ZNF469: variants seen among roughly 807,000 people sequenced by gnomAD.
ZNF469 encodes zinc finger protein 469.
ZNF469 carries 1 observed loss-of-function variant against 1.0 expected under a neutral mutation model. The ratio of observed to expected loss-of-function variants is 1.00; its 90% confidence interval spans 0.35 to 4.73. The LOEUF (loss-of-function observed/expected upper bound fraction) is 4.73. Among genes scored for constraint, ZNF469 ranks in the 30% most tolerant of loss-of-function variants. The pLI is 0.16. For synonymous variants in ZNF469, 2,703 were observed against 2,363.4 expected, an observed-to-expected ratio of 1.14 and a Z score of -4.17; for missense variants, 6,100 against 5,356.3, an observed-to-expected ratio of 1.14 and a Z score of -4.33.
the ZNF469 span, among the ~76,000 whole-genome samples, chr16:88,191,324 C>G: frequency 6.6e-6 from 1 of 152,208 alleles, no homozygotes; most frequent in Admixed American, 6.5e-5. Context: ...ACGGAGCTCT[C>G]GGAATGCGTA....
rs1298415521 is a variant in ZNF469 at position 88,427,791 on chromosome 16, G to T, written c.321G>T (p.Arg107Ser). 1.3e-6 allele frequency: 2 copies of T among 1,547,184 alleles called. No homozygotes were observed. The highest frequency in any genetic ancestry group is 2.7e-5 in the African/African-American group (2 of 72,988). ...GAAGCCCCTTGCAGGCTCCCTCAAGGCTGGCGGGCAGGGCAGAGGGCAGCC... is the reference window on the plus strand; with the variant it reads ...GAAGCCCCTTGCAGGCTCCCTCAAGTCTGGCGGGCAGGGCAGAGGGCAGCC... ...PGRSPLQAPS[R>S]LAGRAEGSPP... The change falls in exon 3 of 3, where the codon AGG (arginine) becomes AGT (serine). Residue 107 changes from arginine to serine, a missense_variant. Coordinates refer to ENST00000565624, the MANE Select transcript of ZNF469 (RefSeq NM_001367624.2).
the ZNF469 span, among the ~76,000 whole-genome samples, chr16:88,226,431 C>T: frequency 6.6e-6 from 1 of 152,056 alleles, no homozygotes; most frequent in Non-Finnish European, 1.5e-5. Context: ...ATCGTCAGGG[C>T]CTCCCACAGC....
chr16:88,265,922 G>A, the ZNF469 span, among the ~76,000 whole-genome samples: 2 of 152,216 alleles, frequency 1.3e-5, no homozygotes, highest in Admixed American at 1.3e-4. Flanking sequence ...ATCTTTCTCT[G>A]GTAAATGGGG....
the ZNF469 span, among the ~76,000 whole-genome samples, chr16:88,375,534 G>A: frequency 2.0e-5 from 3 of 152,260 alleles, no homozygotes; most frequent in African/African-American, 7.2e-5. Context: ...TGCCATGAAT[G>A]GTTCCACAGC....
chr16:88,431,461 G>GT lies in ZNF469; in HGVS notation c.3992dup (p.Ala1332GlyfsTer2). The GT allele has an allele frequency of 6.4e-7, 1 of 1,550,390 alleles. No individual in the cohort carries two copies. Among genetic ancestry groups the GT allele is most frequent in the Non-Finnish European group, 8.7e-7 (1 of 1,146,994 alleles). ...CCAGCCTGGAGAATTTCTGGCACCC[G>GT]TGGCTAACCCCTCAAGTACCGCCTG... On this transcript the variant is annotated frameshift_variant, in exon 3 of 3. Transcript: ENST00000565624. LOFTEE classifies it low-confidence loss of function (END_TRUNC).
chr16:88,319,244 G>A, the ZNF469 span, among the ~76,000 whole-genome samples: 1 of 152,106 alleles, frequency 6.6e-6, no homozygotes, highest in Non-Finnish European at 1.5e-5. Flanking sequence ...AGGGGGCCTT[G>A]CAGGTGGCCG....
At chr16:88,250,411 T>C in the ZNF469 span, among the ~76,000 whole-genome samples, 1 of 152,392 alleles carries the variant, frequency 6.6e-6, no homozygotes. Flanking sequence ...TGCTGAATAG[T>C]ATTTCATTTT....
At chr16:88,259,012 CA>C in the ZNF469 span, among the ~76,000 whole-genome samples, 1 of 152,210 alleles carries the variant, frequency 6.6e-6, no homozygotes, top group South Asian at 2.1e-4. This position sits in a 1 kb window ranked among gnomAD's most constrained non-coding sequence, Gnocchi z 4.1. Flanking sequence ...ATTTTGTTCT[CA>C]GGGGTGACTG....
At chr16:88,327,176 G>A in the ZNF469 span, among the ~76,000 whole-genome samples, 20 of 152,306 alleles carry the variant, frequency 1.3e-4, no homozygotes, top group African/African-American at 4.6e-4. Context: ...CAGGCCCCGG[G>A]TGGCCGCCTC....
In ZNF469 at chr16:88,428,611, C is replaced by T; in HGVS notation, c.1141C>T (p.Pro381Ser). 2.6e-6 allele frequency: 4 copies of T among 1,550,264 alleles called. No individual in the cohort carries two copies. Among genetic ancestry groups the T allele is most frequent in the Non-Finnish European group, 3.5e-6 (4 of 1,146,906 alleles). Residue 381 changes from proline (P) to serine (S), a missense_variant, in exon 3 of 3, where the codon CCC becomes TCC. Coordinates refer to ENST00000565624, the MANE Select transcript of ZNF469 (RefSeq NM_001367624.2). ...SLHKSLTKIL[P>S]ERPPSAQDGL... ...ACACAAGAGCCTGACCAAAATCCTT[C>T]CCGAAAGACCACCTTCAGCCCAGGA...
the ZNF469 span, among the ~76,000 whole-genome samples, chr16:88,277,357 C>T: frequency 6.9e-6 from 1 of 144,984 alleles, no homozygotes; most frequent in South Asian, 2.2e-4. Context: ...TCAGTCAGTA[C>T]CGTGTAGATA....
At chr16:88,383,508 C>T (rs1314410516) in intron 1 of ZNF469, among the ~76,000 whole-genome samples, 4 of 149,534 alleles carry the variant, frequency 2.7e-5, no homozygotes, top group Non-Finnish European at 6.0e-5. Flanking sequence ...CGCAGCCTTG[C>T]CCGGAGCGGA....
chr16:88,248,786 G>C, the ZNF469 span, among the ~76,000 whole-genome samples: 1 of 152,304 alleles, frequency 6.6e-6, no homozygotes, highest in East Asian at 1.9e-4. Flanking sequence ...CATTTCAACA[G>C]GTCAGCCAGT....
At chr16:88,126,680 G>C in the ZNF469 span, among the ~76,000 whole-genome samples, 7 of 150,962 alleles carry the variant, frequency 4.6e-5, no homozygotes, top group African/African-American at 1.7e-4. Context: ...TTGAGACAAA[G>C]TCTTGCTCTG....
At chr16:88,218,420 T>C in the ZNF469 span, among the ~76,000 whole-genome samples, 1 of 151,014 alleles carries the variant, frequency 6.6e-6, no homozygotes, top group East Asian at 1.9e-4. Context: ...GTAGTTTCTT[T>C]TGCTGTGCAG....
the ZNF469 span, among the ~76,000 whole-genome samples, chr16:88,229,670 C>T: frequency 3.6e-4 from 55 of 151,278 alleles, no homozygotes; most frequent in African/African-American, 1.1e-3. Flanking sequence ...GTGGATGTCG[C>T]GTGTGTGCTG....
chr16:88,168,093 C>A, the ZNF469 span, among the ~76,000 whole-genome samples: 292 of 152,366 alleles, frequency 1.9e-3, 1 homozygote, highest in African/African-American at 6.9e-3. This position sits in a 1 kb window ranked among gnomAD's most constrained non-coding sequence, Gnocchi z 4.3. Context: ...CTTCGTTCAT[C>A]AAAACACAGT....
the ZNF469 span, among the ~76,000 whole-genome samples, chr16:88,368,654 G>T: frequency 4.3e-4 from 66 of 152,162 alleles, no homozygotes; most frequent in Non-Finnish European, 1.0e-4. Flanking sequence ...ATAGCCTGGA[G>T]AGAGAGTGGC....
intron 1 of ZNF469, among the ~76,000 whole-genome samples, chr16:88,406,096 G>A (rs1310031714): frequency 3.9e-5 from 6 of 152,204 alleles, no homozygotes; most frequent in African/African-American, 9.7e-5. Context: ...GCCCGGAGCC[G>A]ACCACGCCAC....
Sources: gnomAD v4.1 joint callset for allele counts (sites outside exome capture counted in the v4.1 genomes callset) on GRCh38, gnomAD v4.1.1 for gene constraint, Gnocchi (gnomAD v3.1) non-coding constraint, MANE v1.5 for transcripts, NCBI Gene and HGNC (gene_info 2026-07-23, HGNC 2026-07-21) for gene names.